Variants in RBM33 observed in about 807,000 individuals in gnomAD.
RBM33 encodes the protein RNA-binding protein 33.
Under a neutral mutation model 132.6 loss-of-function variants are expected in RBM33, and 28 were observed. That is an observed-to-expected ratio of 0.21 (90% CI 0.16 to 0.29). The LOEUF (loss-of-function observed/expected upper bound fraction) is 0.29, where lower values mean the gene tolerates loss of function less well. Among genes scored for constraint, RBM33 ranks in the 10% least tolerant of loss-of-function variants. The pLI, the probability that RBM33 is intolerant of heterozygous loss-of-function variation, is 1.00. For missense variants in RBM33, 1,291 were observed against 1,518.5 expected (o/e 0.85, Z 2.49); for synonymous variants, 634 against 593.0 (o/e 1.07, Z -1.01).
intron 8 of RBM33, among the ~76,000 whole-genome samples, chr7:155,713,259 A>G (rs1336148034): frequency 1.3e-5 from 2 of 152,098 alleles, no homozygotes; most frequent in African/African-American, 4.8e-5. Flanking sequence ...AGGCAGTTGG[A>G]TGAGAATTCA....
At chr7:155,701,023 T>C (rs1799945947) in intron 6 of RBM33, 79 bp downstream of exon 6, 1 of 1,301,172 alleles carries the variant, frequency 7.7e-7, no homozygotes, top group African/African-American at 1.5e-5. Flanking sequence ...TTAATCAAAG[T>C]AGGCAAAGAA....
At chr7:155,664,106 G>C (rs1420144370) in intron 1 of RBM33, among the ~76,000 whole-genome samples, 1 of 152,156 alleles carries the variant, frequency 6.6e-6, no homozygotes, top group African/African-American at 2.4e-5. Context: ...ATGGCACCAA[G>C]CACTTGGAAT....
At position 155,727,774 on chromosome 7, in the gene RBM33, G is replaced by A. The variant is rs140869290; in HGVS notation, c.1260+9331G>A. 4.1e-3 allele frequency among the ~76,000 whole-genome samples: 626 copies of A among 152,250 alleles called. 5 individuals are homozygous for A. The highest frequency in any genetic ancestry group is 0.015 in the African/African-American group (608 of 41,538). ...GCCAAAAAGGTAACCGCCCATCCCC[G>A]CTTTTTTTCTGAGACAGGGTTCACT... On this transcript the variant is annotated intron_variant, in intron 9 of 17. Coordinates refer to ENST00000401878, the MANE Select transcript of RBM33 (RefSeq NM_053043.3).
intron 14 of RBM33, among the ~76,000 whole-genome samples, chr7:155,754,443 G>A (rs543659375): frequency 3.5e-4 from 53 of 152,326 alleles, no homozygotes; most frequent in Non-Finnish European, 7.4e-4. Flanking sequence ...AGAGCCTGGG[G>A]CTGCACCCCT....
rs1799307292 is a variant in RBM33 at position 155,680,466 on chromosome 7, C to A, written c.249-124C>A. On this transcript the variant is annotated intron_variant, in intron 4 of 17. Coordinates refer to ENST00000401878, the MANE Select transcript of RBM33 (RefSeq NM_053043.3). ...ACTGTTGGAGTTAATGTGCATTTGT[C>A]AGTAACTGGAATAACTTTTTATCAG... The A allele has an allele frequency of 4.1e-6, 3 of 724,948 alleles. No individual in the cohort carries two copies. In the African/African-American group the frequency reaches 5.4e-5, roughly 13 times the overall value. 44.9% of individuals were successfully genotyped at this position (724,948 alleles called of 1,614,324 possible).
At chr7:155,740,826 C>T (rs1801307717) in intron 12 of RBM33, among the ~76,000 whole-genome samples, 1 of 152,104 alleles carries the variant, frequency 6.6e-6, no homozygotes. Flanking sequence ...GAAAGAGAGA[C>T]ACAATGTGGC....
At chr7:155,773,799 A>G (rs1802517756) in intron 16 of RBM33, among the ~76,000 whole-genome samples, 1 of 152,088 alleles carries the variant, frequency 6.6e-6, no homozygotes, top group Non-Finnish European at 1.5e-5. Context: ...AGCAGAAAGC[A>G]GCTCCCCCTC....
rs1802702748 is a variant in RBM33, at chr7:155,778,614, G to A, written c.*3573G>A. 1 of 152,388 alleles carries A rather than the reference G, an allele frequency of 6.6e-6. No homozygotes were observed. Among genetic ancestry groups the A allele is most frequent in the South Asian group, 2.1e-4 (1 of 4,840 alleles). The allele number at this position is 152,388 out of a possible 1,614,324, so 9.4% of individuals were successfully genotyped here. A position where few individuals can be genotyped will look rare whatever the true frequency, so the allele number is the denominator to read the frequency against. On this transcript the variant is annotated 3_prime_UTR_variant, in exon 18 of 18. Transcript: ENST00000401878. This position sits in a 1 kb window ranked among gnomAD's most constrained non-coding sequence, Gnocchi z 4.0. The stretch of plus-strand genomic sequence containing the variant: ...TGGATGGCCTGGAGGAGTGGGGGAG[G>A]GGAACGTCTTCACTGGGTGGTGATC...
At chr7:155,740,054 G>A (rs1172140083) in intron 12 of RBM33, 28 bp downstream of exon 12, 1 of 1,489,572 alleles carries the variant, frequency 6.7e-7, no homozygotes, top group Admixed American at 2.3e-5. Flanking sequence ...TCTTCCCTGT[G>A]TCTTCCTGGG....
Position 155,718,340 on chromosome 7 carries a change from G to A in RBM33, c.1202-45G>A, listed in dbSNP as rs116151614. The A allele has an allele frequency of 1.8e-4, 269 of 1,504,790 alleles. No homozygotes were observed. The African/African-American group carries it at 3.4e-3, about 19-fold the overall frequency. The allele number at this position is 1,504,790 out of a possible 1,614,324, so 93.2% of individuals were successfully genotyped here. On this transcript the variant is annotated intron_variant, in intron 8 of 17. Transcript: ENST00000401878. Reference sequence around the variant, plus strand: ...CATATGTTGTCTTACAGGGGTTTGAGTGTTGAGTAAAGTGTGTCTCTAACA... The same window carrying A: ...CATATGTTGTCTTACAGGGGTTTGAATGTTGAGTAAAGTGTGTCTCTAACA...
chr7:155,774,495 T>C lies in RBM33; in HGVS notation c.3376-64T>C. The C allele has an allele frequency of 8.6e-7, 1 of 1,164,722 alleles. No homozygotes were observed. Among genetic ancestry groups the C allele is most frequent in the Non-Finnish European group, 1.3e-6 (1 of 781,980 alleles). 72.1% of individuals were successfully genotyped at this position (1,164,722 alleles called of 1,614,324 possible). A position where few individuals can be genotyped will look rare whatever the true frequency, so the allele number is the denominator to read the frequency against. On this transcript the variant is annotated intron_variant, in intron 16 of 17. Transcript: ENST00000401878. This position sits in a 1 kb window ranked among gnomAD's most constrained non-coding sequence, Gnocchi z 4.2. ...TGTTAAAACTAATAATGCTTAAATA[T>C]ATATATTCATATTTTTTATTGTCAT...
intron 5 of RBM33, among the ~76,000 whole-genome samples, chr7:155,693,639 T>C (rs1351212879): frequency 2.3e-5 from 2 of 85,896 alleles, no homozygotes; most frequent in Non-Finnish European, 6.7e-5. Flanking sequence ...GGCAGGTTCT[T>C]TGTGATGCTC....
Position 155,779,476 on chromosome 7 carries a change from G to A in RBM33, c.*4435G>A, listed in dbSNP as rs979186842. ...TATTTTTAAAGTTTGTGAATGGAGTGTTATTTTGGACATTCTTAAATATGA... is the reference window on the plus strand; with the variant it reads ...TATTTTTAAAGTTTGTGAATGGAGTATTATTTTGGACATTCTTAAATATGA... On this transcript the variant is annotated 3_prime_UTR_variant, in exon 18 of 18. Transcript: ENST00000401878. The A allele has an allele frequency of 1.3e-5, 2 of 152,232 alleles. No homozygotes were observed. Among genetic ancestry groups the A allele is most frequent in the African/African-American group, 4.8e-5 (2 of 41,530 alleles). 9.4% of individuals were successfully genotyped at this position (152,232 alleles called of 1,614,324 possible).
In RBM33 at chr7:155,741,880, G is replaced by T. The variant is rs757641802; in HGVS notation, c.2111G>T (p.Arg704Met). 2 of 1,614,036 alleles carry T rather than the reference G, an allele frequency of 1.2e-6. No homozygotes were observed. Among genetic ancestry groups the T allele is most frequent in the Non-Finnish European group, 8.5e-7 (1 of 1,179,894 alleles). The change falls in exon 13 of 18, where the codon AGG (arginine) becomes ATG (methionine). Residue 704 changes from arginine to methionine, a missense_variant. Physicochemically the swap from Arg to Met is moderately conservative, Grantham distance 91. Around this residue, in one of 7 missense-constraint regions of RBM33, gnomAD observed 841 missense variants for 912.0 expected, o/e 0.92. Coordinates refer to ENST00000401878, the MANE Select transcript of RBM33 (RefSeq NM_053043.3). ...CAGCAAATGCAGCCCACTGCGCCAA[G>T]GAACAGCAATTTGCGTGAATTACCC... Reference protein sequence around the residue: ...PMQQMQPTAPRNSNLRELPIA... With the variant: ...PMQQMQPTAPMNSNLRELPIA...
Position 155,779,945 on chromosome 7 carries a change from T to C in RBM33, c.*4904T>C, listed in dbSNP as rs540800797. On this transcript the variant is annotated 3_prime_UTR_variant, in exon 18 of 18. Transcript: ENST00000401878. ...TTTATTTTACTGATTTTAAAAGGTA[T>C]ATAGAAAAATGTAGGCCTTTAAAAA... 6.6e-6 allele frequency: 1 copy of C among 152,340 alleles called. No individual in the cohort carries two copies. Among genetic ancestry groups the C allele is most frequent in the South Asian group, 2.1e-4 (1 of 4,826 alleles). 9.4% of individuals were successfully genotyped at this position (152,340 alleles called of 1,614,324 possible).
chr7:155,725,944 C>G (rs1585493093), intron 9 of RBM33, among the ~76,000 whole-genome samples: 1 of 151,948 alleles, frequency 6.6e-6, no homozygotes, highest in African/African-American at 2.4e-5. Context: ...CAAGGCATAA[C>G]CTGAAAGAAA....
intron 8 of RBM33, among the ~76,000 whole-genome samples, chr7:155,716,316 G>GTTATTTTTTTTT (rs1800460406): frequency 9.8e-6 from 1 of 102,384 alleles, no homozygotes; most frequent in Non-Finnish European, 1.9e-5. Context: ...CTTTTCTGCT[G>GTTATTTTTTTTT]TTTTTTTTTT....
chr7:155,690,322 G>A (rs1319665863), intron 5 of RBM33, among the ~76,000 whole-genome samples: 4 of 151,950 alleles, frequency 2.6e-5, no homozygotes, highest in Admixed American at 2.0e-4. Flanking sequence ...CATTTGCTTG[G>A]TGGATCTTCC....
At chr7:155,648,181 A>G in intron 1 of RBM33, among the ~76,000 whole-genome samples, 1 of 152,224 alleles carries the variant, frequency 6.6e-6, no homozygotes, top group East Asian at 1.9e-4. Flanking sequence ...CCTAGCATCA[A>G]CATTCTGGCA....
Sources: allele counts gnomAD v4.1 joint callset (sites outside exome capture counted in the v4.1 genomes callset), GRCh38; gene constraint gnomAD v4.1.1; regional missense constraint gnomAD v4.1.1; non-coding constraint Gnocchi (gnomAD v3.1); transcripts MANE v1.5; gene names NCBI Gene and HGNC (gene_info 2026-07-23, HGNC 2026-07-21).